C12orf75: variants seen among roughly 807,000 people sequenced by gnomAD.
C12orf75 encodes chromosome 12 open reading frame 75.
A neutral mutation model predicts 11.4 loss-of-function variants in C12orf75; 4 were observed. That is an observed-to-expected ratio of 0.35 (90% CI 0.17 to 0.80). C12orf75 has a LOEUF of 0.80. Among genes scored for constraint, C12orf75 ranks in the 30% least tolerant of loss-of-function variants. The pLI, the probability that C12orf75 is intolerant of heterozygous loss-of-function variation, is 0.52. For missense variants in C12orf75, 89 were observed against 80.4 expected (o/e 1.11, Z -0.41); for synonymous variants, 30 against 30.0 (o/e 1.00, Z 0.00).
chr12:105,352,720 G>A (rs1892728199), intron 2 of C12orf75, among the ~76,000 whole-genome samples: 1 of 152,040 alleles, frequency 6.6e-6, no homozygotes, highest in African/African-American at 2.4e-5. Context: ...TTGGGGAGGG[G>A]GTTTCTCTCT....
chr12:105,353,231 C>T (rs1892736658), intron 2 of C12orf75, among the ~76,000 whole-genome samples: 1 of 152,230 alleles, frequency 6.6e-6, no homozygotes. Context: ...AAATTCTCTT[C>T]TCTGCTTTCG....
In C12orf75 at chr12:105,370,717, C is replaced by T. The variant is rs755230945; in HGVS notation, c.*117C>T. On this transcript the variant is annotated 3_prime_UTR_variant, in exon 6 of 6. Coordinates refer to ENST00000443585, the MANE Select transcript of C12orf75 (RefSeq NM_001145199.2). ...TTTCCAAGGAAATTCTAAACAGTCA[C>T]CCTTCCCTTTTGCATTCCCCCAAAT... 3 of 457,476 alleles carry T rather than the reference C, an allele frequency of 6.6e-6. No homozygotes were observed. The highest frequency in any genetic ancestry group is 6.0e-5 in the African/African-American group (3 of 50,060). The allele number at this position is 457,476 out of a possible 1,614,324, so 28.3% of individuals were successfully genotyped here.
chr12:105,357,308 C>G (rs998504971), intron 2 of C12orf75, among the ~76,000 whole-genome samples: 1 of 152,174 alleles, frequency 6.6e-6, no homozygotes, highest in Admixed American at 6.5e-5. Flanking sequence ...AGAGGAAACC[C>G]GAAGCCATCC....
chr12:105,336,289 C>T (rs1342714918), intron 1 of C12orf75, among the ~76,000 whole-genome samples: 2 of 152,214 alleles, frequency 1.3e-5, no homozygotes, highest in Non-Finnish European at 2.9e-5. Flanking sequence ...TGAGAGTGGG[C>T]TCTGCAGCTA....
In C12orf75 at chr12:105,366,613, C is replaced by T. The variant is rs532349429; in HGVS notation, c.108-4C>T. ...TTAAATTGGTTTGATTTCTTTTTAT[C>T]AAGAAACTATGGAGGAGTATATGTT... On this transcript the variant is annotated splice_region_variant and splice_polypyrimidine_tract_variant and intron_variant, in intron 3 of 5. Coordinates refer to ENST00000443585, the MANE Select transcript of C12orf75 (RefSeq NM_001145199.2). 1.7e-5 allele frequency: 26 copies of T among 1,488,368 alleles called. 1 individual carries two copies. The South Asian group carries it at 2.3e-4, about 13-fold the overall frequency. 92.2% of individuals were successfully genotyped at this position (1,488,368 alleles called of 1,614,324 possible). A position where few individuals can be genotyped will look rare whatever the true frequency, so the allele number is the denominator to read the frequency against.
intron 1 of C12orf75, among the ~76,000 whole-genome samples, chr12:105,345,922 C>T (rs993897589): frequency 2.4e-4 from 36 of 152,120 alleles, no homozygotes; most frequent in African/African-American, 8.2e-4. Flanking sequence ...CCTCGGCCAC[C>T]CAAAGTGCTG....
intron 1 of C12orf75, among the ~76,000 whole-genome samples, chr12:105,341,263 A>G (rs1179113062): frequency 6.6e-6 from 1 of 152,220 alleles, no homozygotes; most frequent in African/African-American, 2.4e-5. Flanking sequence ...ACTAGGACAC[A>G]TACAATTTTT....
At chr12:105,342,890 AT>A (rs1892591973) in intron 1 of C12orf75, among the ~76,000 whole-genome samples, 1 of 152,220 alleles carries the variant, frequency 6.6e-6, no homozygotes, top group Admixed American at 6.5e-5. Flanking sequence ...TTTGCTATGC[AT>A]TTTTAATTAA....
intron 1 of C12orf75, 95 bp from the exon 2 acceptor site, chr12:105,348,507 T>C (rs1892669662): frequency 1.3e-6 from 1 of 760,254 alleles, no homozygotes; most frequent in East Asian, 3.3e-5. Flanking sequence ...CCATTTTCTC[T>C]TCAGGAATAT....
intron 1 of C12orf75, among the ~76,000 whole-genome samples, chr12:105,347,926 A>C (rs1892658771): frequency 6.6e-6 from 1 of 152,224 alleles, no homozygotes. Flanking sequence ...CCAACTTAAA[A>C]GGTGTATGGC....
chr12:105,330,736 C>G lies in C12orf75; in HGVS notation c.-156C>G. 1.5e-6 allele frequency: 1 copy of G among 685,830 alleles called. No individual in the cohort carries two copies. The highest frequency in any genetic ancestry group is 2.0e-6 in the Non-Finnish European group (1 of 510,942). The allele number at this position is 685,830 out of a possible 1,614,324, so 42.5% of individuals were successfully genotyped here. A position where few individuals can be genotyped will look rare whatever the true frequency, so the allele number is the denominator to read the frequency against. On this transcript the variant is annotated 5_prime_UTR_variant, in exon 1 of 6. Transcript: ENST00000443585. ...CAGCCCGCTGCGCCCCGGGCCGCGT[C>G]TCCCGGCGGTGGGAGGGGGCGGCCC...
intron 5 of C12orf75, among the ~76,000 whole-genome samples, chr12:105,368,164 A>G (rs1266978742): frequency 6.6e-6 from 1 of 152,218 alleles, no homozygotes; most frequent in Non-Finnish European, 1.5e-5. Flanking sequence ...TTCATTTGTT[A>G]ACTACCCTAC....
intron 1 of C12orf75, among the ~76,000 whole-genome samples, chr12:105,346,145 C>T (rs556707430): frequency 2.0e-5 from 3 of 152,208 alleles, no homozygotes; most frequent in Non-Finnish European, 4.4e-5. Context: ...CACCTATCAC[C>T]TGGAAACAAC....
chr12:105,344,557 A>G (rs1892612241), intron 1 of C12orf75, among the ~76,000 whole-genome samples: 1 of 152,170 alleles, frequency 6.6e-6, no homozygotes, highest in South Asian at 2.1e-4. Flanking sequence ...AGCATGGCCA[A>G]CATGGAGAAA....
rs1871482056 is a variant in C12orf75, at chr12:105,366,668, G to A, written c.159G>A (p.Val53=). 3 of 1,541,354 alleles carry A rather than the reference G, an allele frequency of 1.9e-6. No homozygotes were observed. Among genetic ancestry groups the A allele is most frequent in the Non-Finnish European group, 2.6e-6 (3 of 1,138,044 alleles). ...VGLPSEAVNM[V]SSQTKTVRKN ...TACCATCTGAAGCTGTCAATATGGT[G>A]TCCAGTCAAACAAAGACGGTTCGGA... The change falls in exon 4 of 6, where the codon GTG becomes GTA. Residue 53 remains valine, a synonymous_variant. Coordinates refer to ENST00000443585, the MANE Select transcript of C12orf75 (RefSeq NM_001145199.2).
intron 5 of C12orf75, among the ~76,000 whole-genome samples, chr12:105,369,860 G>A (rs1465398094): frequency 6.6e-6 from 1 of 152,170 alleles, no homozygotes; most frequent in Non-Finnish European, 1.5e-5. Flanking sequence ...CTGAACTCAT[G>A]GCTTTCTAGG....
intron 1 of C12orf75, among the ~76,000 whole-genome samples, chr12:105,337,969 GA>G (rs916531112): frequency 5.9e-5 from 9 of 151,308 alleles, no homozygotes; most frequent in African/African-American, 1.7e-4. Flanking sequence ...TAGAGTAAGA[GA>G]AAAAAAACCT....
intron 2 of C12orf75, among the ~76,000 whole-genome samples, chr12:105,352,208 G>T (rs1266011073): frequency 3.3e-5 from 5 of 152,226 alleles, no homozygotes; most frequent in African/African-American, 1.2e-4. Flanking sequence ...AGGAAGAGAA[G>T]TCATTGCGTG....
At chr12:105,368,479 A>G (rs1043701449) in intron 5 of C12orf75, among the ~76,000 whole-genome samples, 3 of 152,224 alleles carry the variant, frequency 2.0e-5, no homozygotes, top group Non-Finnish European at 4.4e-5. Flanking sequence ...TGGAGCCAAT[A>G]CTTAGACTGA....
Sources: gnomAD v4.1 joint callset for allele counts (sites outside exome capture counted in the v4.1 genomes callset) on GRCh38, gnomAD v4.1.1 for gene constraint, MANE v1.5 for transcripts, NCBI Gene and HGNC (gene_info 2026-07-23, HGNC 2026-07-21) for gene names.